Variants in DERPC observed in about 807,000 individuals in gnomAD.
DERPC encodes the protein decreased expression in renal and prostate cancer protein.
DERPC carries 1 observed loss-of-function variant against 7.2 expected under a neutral mutation model. The ratio of observed to expected loss-of-function variants is 0.14; its 90% confidence interval spans 0.05 to 0.66. DERPC has a LOEUF of 0.66. DERPC is among the 30% of genes least tolerant of loss of function. The pLI is 0.84. For synonymous variants in DERPC, 185 were observed against 117.6 expected (o/e 1.57, Z -3.71); for missense variants, 502 against 299.4 (o/e 1.68, Z -4.99).
At position 69,119,104 on chromosome 16, in the gene DERPC, G is replaced by C. The variant is rs542501810; in HGVS notation, c.1325C>G (p.Pro442Arg). ...GCCCAGATGCCCGGCAGCTGGCCTG[G>C]GGAAAGTAACTTGACCAGGGCCTAA... ...GPLGPGQVTF[P>R]RPAAGHLGPS... The change falls in exon 3 of 3, where the codon CCC becomes CGC. Residue 442 changes from proline to arginine, a missense_variant. Coordinates refer to ENST00000519520, the MANE Select transcript of DERPC (RefSeq NM_001002847.4). 13 of 703,048 alleles carry C rather than the reference G, an allele frequency of 1.8e-5. No homozygotes were observed. The African/African-American group carries it at 2.1e-4, about 11-fold the overall frequency. The allele number at this position is 703,048 out of a possible 1,614,324, so 43.6% of individuals were successfully genotyped here.
Position 69,118,109 on chromosome 16 carries a change from T to G in DERPC, c.*745A>C, listed in dbSNP as rs2152263084. ...ACCAGGCCGAACAAAGCACAGTGAT[T>G]TCTTCCCTTCATCCCCCACCCCCAC... On this transcript the variant is annotated 3_prime_UTR_variant, in exon 3 of 3. Coordinates refer to ENST00000519520, the MANE Select transcript of DERPC (RefSeq NM_001002847.4). The G allele has an allele frequency of 5.8e-6, 3 of 519,264 alleles. No individual in the cohort carries two copies. 32.2% of individuals were successfully genotyped at this position (519,264 alleles called of 1,614,324 possible).
Position 69,119,501 on chromosome 16 carries a change from G to T in DERPC, c.928C>A (p.Pro310Thr). ...GTSPSSMARV[P>T]GPMGPNSGPS... ...CCCGAGTTTGGGCCCATGGGGCCAGGTACTCTTGCCATGGAGGATGGGCTT... is the reference window on the plus strand; with the variant it reads ...CCCGAGTTTGGGCCCATGGGGCCAGTTACTCTTGCCATGGAGGATGGGCTT... Residue 310 changes from proline (P) to threonine (T), a missense_variant, in exon 3 of 3, where the codon CCT becomes ACT. By Grantham distance (38) the Pro-to-Thr change is conservative. Coordinates refer to ENST00000519520, the MANE Select transcript of DERPC (RefSeq NM_001002847.4). The T allele has an allele frequency of 1.4e-6, 1 of 702,816 alleles. No individual in the cohort carries two copies. Among genetic ancestry groups the T allele is most frequent in the Non-Finnish European group, 2.6e-6 (1 of 384,970 alleles). The allele number at this position is 702,816 out of a possible 1,614,324, so 43.5% of individuals were successfully genotyped here. A position where few individuals can be genotyped will look rare whatever the true frequency, so the allele number is the denominator to read the frequency against.
Position 69,119,343 on chromosome 16 carries a change from A to G in DERPC, c.1086T>C (p.Phe362=). 1.4e-6 allele frequency: 1 copy of G among 703,058 alleles called. No individual in the cohort carries two copies. Among genetic ancestry groups the G allele is most frequent in the Non-Finnish European group, 2.6e-6 (1 of 385,010 alleles). The allele number at this position is 703,058 out of a possible 1,614,324, so 43.6% of individuals were successfully genotyped here. A position where few individuals can be genotyped will look rare whatever the true frequency, so the allele number is the denominator to read the frequency against. Residue 362 remains phenylalanine, a synonymous_variant, in exon 3 of 3, where the codon TTT becomes TTC. Transcript: ENST00000519520. ...AGGCAGATGAACCTGCTCCCCTGGG[A>G]AAGGGATTGGCATTTACCCCCATGG... ...VGPMGVNANP[F]PRGAGSSAFS... is the part of the protein sequence containing the mutation.
chr16:69,126,781 T>C (rs1962089332), intron 1 of DERPC, among the ~76,000 whole-genome samples: 1 of 152,188 alleles, frequency 6.6e-6, no homozygotes, highest in Non-Finnish European at 1.5e-5. Context: ...TTTAGCACCT[T>C]AAAATATCCT....
intron 1 of DERPC, among the ~76,000 whole-genome samples, chr16:69,127,923 T>C (rs1166226002): frequency 6.7e-6 from 1 of 148,164 alleles, no homozygotes; most frequent in Non-Finnish European, 1.5e-5. Context: ...TTTCTCTTTC[T>C]TCTTTTTTTG....
intron 2 of DERPC, 57 bp downstream of exon 2, chr16:69,121,379 C>A: frequency 6.8e-7 from 1 of 1,468,230 alleles, no homozygotes. Flanking sequence ...ACACATGGCA[C>A]ACCTCTATAG....
chr16:69,127,307 G>A (rs1962140272), intron 1 of DERPC, among the ~76,000 whole-genome samples: 1 of 150,526 alleles, frequency 6.6e-6, no homozygotes. Context: ...AGTAGACAGA[G>A]TGAGTAGAAA....
intron 1 of DERPC, among the ~76,000 whole-genome samples, chr16:69,130,610 G>A (rs559227014): frequency 2.6e-5 from 4 of 152,290 alleles, no homozygotes; most frequent in East Asian, 1.9e-4. Context: ...AATACACTGG[G>A]CATAAACACC....
At chr16:69,129,607 A>C (rs1369484912) in intron 1 of DERPC, among the ~76,000 whole-genome samples, 1 of 152,162 alleles carries the variant, frequency 6.6e-6, no homozygotes, top group Non-Finnish European at 1.5e-5. Flanking sequence ...ACAAATGAGG[A>C]AACAGGCTTA....
chr16:69,127,146 G>C (rs1228281828), intron 1 of DERPC, among the ~76,000 whole-genome samples: 1 of 151,830 alleles, frequency 6.6e-6, no homozygotes, highest in Non-Finnish European at 1.5e-5. Context: ...GCTGAGACAG[G>C]AGAATTGCTT....
intron 1 of DERPC, among the ~76,000 whole-genome samples, chr16:69,129,771 A>G (rs1372206873): frequency 2.0e-5 from 3 of 152,212 alleles, no homozygotes; most frequent in Admixed American, 6.5e-5. Context: ...TGCTTTACAA[A>G]TATTAGCCTC....
intron 1 of DERPC, among the ~76,000 whole-genome samples, chr16:69,125,761 A>G (rs138294089): frequency 4.2e-4 from 64 of 152,366 alleles, no homozygotes; most frequent in Middle Eastern, 3.4e-3. Context: ...TTGAAGAAGG[A>G]TAACAATTTA....
Position 69,118,280 on chromosome 16 carries a change from A to C in DERPC, c.*574T>G, listed in dbSNP as rs1961315463. ...CCCAGGAGAAGGGAGCTGCAGGCCC[A>C]GTCAGTCAAGCAGAAACTGCATTCG... On this transcript the variant is annotated 3_prime_UTR_variant, in exon 3 of 3. Transcript: ENST00000519520. The C allele has an allele frequency of 5.4e-6, 5 of 928,404 alleles. No individual in the cohort carries two copies. Among genetic ancestry groups the C allele is most frequent in the Non-Finnish European group, 7.1e-6 (4 of 562,068 alleles). 57.5% of individuals were successfully genotyped at this position (928,404 alleles called of 1,614,324 possible).
In DERPC at chr16:69,132,550, G is replaced by T; in HGVS notation, c.-346C>A. 1 of 364,108 alleles carries T rather than the reference G, an allele frequency of 2.7e-6. No homozygotes were observed. The highest frequency in any genetic ancestry group is 1.8e-5 in the South Asian group (1 of 54,098). 22.6% of individuals were successfully genotyped at this position (364,108 alleles called of 1,614,324 possible). Reference sequence around the variant, plus strand: ...GGCGACAACCGAACCTCCCGCCGCCGTCGCCGCCGCCGCGAGCACTGCCTG... The same window carrying T: ...GGCGACAACCGAACCTCCCGCCGCCTTCGCCGCCGCCGCGAGCACTGCCTG... On this transcript the variant is annotated 5_prime_UTR_variant, in exon 1 of 3. Transcript: ENST00000519520.
intron 1 of DERPC, among the ~76,000 whole-genome samples, chr16:69,129,160 G>A (rs532604940): frequency 2.0e-4 from 31 of 152,024 alleles, no homozygotes; most frequent in Non-Finnish European, 4.0e-4. Context: ...GCCGGGTGCG[G>A]TGGCTCACAC....
In DERPC at chr16:69,132,468, C is replaced by CA. The variant is rs769558756; in HGVS notation, c.-280+15_-280+16insT. On this transcript the variant is annotated intron_variant, in intron 1 of 2. Coordinates refer to ENST00000519520, the MANE Select transcript of DERPC (RefSeq NM_001002847.4). ...CGCTCCCCGCAGCCTCCCGTGCCCC[C>CA]CGCCCGCGGCCTGACCTGCAATGGC... 4.6e-6 allele frequency: 1 copy of CA among 216,214 alleles called. No homozygotes were observed. The highest frequency in any genetic ancestry group is 9.0e-6 in the Non-Finnish European group (1 of 111,416). 13.4% of individuals were successfully genotyped at this position (216,214 alleles called of 1,614,324 possible).
chr16:69,121,052 C>A, intron 2 of DERPC: 2 of 1,613,038 alleles, frequency 1.2e-6, no homozygotes, highest in Non-Finnish European at 1.7e-6. Flanking sequence ...AGCCCCCTCA[C>A]CTCAGTGGTG....
In DERPC at chr16:69,120,904, G is replaced by A. The variant is rs1297649613; in HGVS notation, c.-221-255C>T. The A allele has an allele frequency of 2.5e-6, 2 of 806,230 alleles. No homozygotes were observed. Among genetic ancestry groups the A allele is most frequent in the Non-Finnish European group, 2.2e-6 (1 of 450,608 alleles). 49.9% of individuals were successfully genotyped at this position (806,230 alleles called of 1,614,324 possible). A position where few individuals can be genotyped will look rare whatever the true frequency, so the allele number is the denominator to read the frequency against. On this transcript the variant is annotated intron_variant, in intron 2 of 2. Coordinates refer to ENST00000519520, the MANE Select transcript of DERPC (RefSeq NM_001002847.4). This position sits in a 1 kb window ranked among gnomAD's most constrained non-coding sequence, Gnocchi z 4.0. ...AATTAAATTTCCCTGCTACTGCAGA[G>A]GTAGGGGGAGAACAAGCAGAGAGCA...
Position 69,121,464 on chromosome 16 carries a change from T to G in DERPC, c.-250A>C. On this transcript the variant is annotated 5_prime_UTR_variant, in exon 2 of 3. Transcript: ENST00000519520. ...GAAATAACAATTTGCACCATGAGCT[T>G]TCTGTCTTTAAAAAGCAAGTGAAAA... The G allele has an allele frequency of 1.9e-6, 3 of 1,600,224 alleles. No individual in the cohort carries two copies. The highest frequency in any genetic ancestry group is 1.1e-5 in the South Asian group (1 of 88,038).
Sources: gnomAD v4.1 joint callset for allele counts (sites outside exome capture counted in the v4.1 genomes callset) on GRCh38, gnomAD v4.1.1 for gene constraint, Gnocchi (gnomAD v3.1) non-coding constraint, MANE v1.5 for transcripts, NCBI Gene and HGNC (gene_info 2026-07-23, HGNC 2026-07-21) for gene names.